Variants in LYPD6 observed in about 807,000 individuals in gnomAD.
LYPD6 encodes ly6/PLAUR domain-containing protein 6.
Under a neutral mutation model 22.7 loss-of-function variants are expected in LYPD6, and 15 were observed. That is an observed-to-expected ratio of 0.66 (90% CI 0.44 to 1.02). The LOEUF is 1.02. LYPD6 is among the 50% of genes least tolerant of loss of function. LYPD6 has a pLI of 0.00. For synonymous variants in LYPD6, 72 were observed against 77.5 expected, an observed-to-expected ratio of 0.93 and a Z score of 0.37; for missense variants, 189 against 208.4, an observed-to-expected ratio of 0.91 and a Z score of 0.57.
At chr2:149,354,813 A>C (rs1251560730) in intron 1 of LYPD6, among the ~76,000 whole-genome samples, 1 of 152,196 alleles carries the variant, frequency 6.6e-6, no homozygotes, top group Non-Finnish European at 1.5e-5. Context: ...AAATTTGAAG[A>C]AGCAGCTAAC....
At chr2:149,440,557 A>G (rs1244426850) in intron 2 of LYPD6, 3 of 152,168 alleles carry the variant, frequency 2.0e-5, no homozygotes, top group Non-Finnish European at 2.9e-5. Context: ...TAGATGATTC[A>G]CCAGCAGATC....
chr2:149,392,576 C>T (rs2105099850), intron 1 of LYPD6, among the ~76,000 whole-genome samples: 1 of 152,168 alleles, frequency 6.6e-6, no homozygotes, highest in South Asian at 2.1e-4. Context: ...GAGTGTTGTC[C>T]CCATTGCCAT....
chr2:149,431,297 C>T (rs913820670), intron 1 of LYPD6, among the ~76,000 whole-genome samples: 1 of 152,164 alleles, frequency 6.6e-6, no homozygotes, highest in African/African-American at 2.4e-5. Context: ...ATGTCTAATA[C>T]AGTACAAAGG....
chr2:149,333,282 T>C (rs1320934946), intron 1 of LYPD6, among the ~76,000 whole-genome samples: 2 of 152,240 alleles, frequency 1.3e-5, no homozygotes, highest in Admixed American at 6.5e-5. Context: ...CGTACAGATA[T>C]CTGCCTATCT....
chr2:149,401,875 C>A (rs1193602668), intron 1 of LYPD6, among the ~76,000 whole-genome samples: 2 of 152,006 alleles, frequency 1.3e-5, no homozygotes, highest in Non-Finnish European at 2.9e-5. Context: ...CCACCCCTTC[C>A]CCCGAATCCC....
chr2:149,455,310 G>A (rs1295016438), intron 3 of LYPD6, among the ~76,000 whole-genome samples: 5 of 145,718 alleles, frequency 3.4e-5, no homozygotes, highest in Non-Finnish European at 5.9e-5. Flanking sequence ...CCAGGCTAGA[G>A]TGCAGTGGCA....
chr2:149,481,547 A>G, the LYPD6 span, among the ~76,000 whole-genome samples: 1 of 152,230 alleles, frequency 6.6e-6, no homozygotes, highest in African/African-American at 2.4e-5. Flanking sequence ...AAAACAAAAC[A>G]AAACAAAACA....
chr2:149,372,654 T>A (rs1329149240), intron 1 of LYPD6, among the ~76,000 whole-genome samples: 1 of 152,242 alleles, frequency 6.6e-6, no homozygotes, highest in African/African-American at 2.4e-5. Flanking sequence ...TAAAAAATTA[T>A]TGATCTCTAT....
chr2:149,351,726 A>G (rs933985608), intron 1 of LYPD6, among the ~76,000 whole-genome samples: 2 of 152,236 alleles, frequency 1.3e-5, no homozygotes, highest in African/African-American at 4.8e-5. Flanking sequence ...AGGACATAAA[A>G]ATGATGAAGA....
intron 1 of LYPD6, among the ~76,000 whole-genome samples, chr2:149,351,901 C>T (rs964917406): frequency 3.3e-5 from 5 of 151,932 alleles, no homozygotes; most frequent in South Asian, 2.1e-4. Flanking sequence ...TTTTGTCTCT[C>T]GGTGGTCAGT....
At chr2:149,339,378 G>GT (rs1681117391) in intron 1 of LYPD6, among the ~76,000 whole-genome samples, 1 of 152,162 alleles carries the variant, frequency 6.6e-6, no homozygotes, top group Non-Finnish European at 1.5e-5. Flanking sequence ...GATATCTCTT[G>GT]TAACTCCATA....
At chr2:149,451,600 C>T (rs941936854) in intron 3 of LYPD6, among the ~76,000 whole-genome samples, 16 of 152,180 alleles carry the variant, frequency 1.1e-4, no homozygotes, top group Admixed American at 1.0e-3. Flanking sequence ...TTGAATGCCT[C>T]ACAGAGAAAA....
At chr2:149,339,382 C>T (rs1009217530) in intron 1 of LYPD6, among the ~76,000 whole-genome samples, 29 of 152,188 alleles carry the variant, frequency 1.9e-4, no homozygotes, top group Admixed American at 5.9e-4. Flanking sequence ...TCTCTTGTAA[C>T]TCCATAGACA....
the LYPD6 span, among the ~76,000 whole-genome samples, chr2:149,481,091 G>A: frequency 6.6e-6 from 1 of 152,190 alleles, no homozygotes; most frequent in South Asian, 2.1e-4. Context: ...TCCTTCTCAA[G>A]AGTCCTGACC....
chr2:149,438,805 G>A (rs1301059378), intron 2 of LYPD6, among the ~76,000 whole-genome samples: 3 of 152,240 alleles, frequency 2.0e-5, no homozygotes, highest in Middle Eastern at 3.2e-3. Flanking sequence ...GTGGTATGCA[G>A]AATGCCCTGG....
At chr2:149,335,002 A>G (rs1681008666) in intron 1 of LYPD6, among the ~76,000 whole-genome samples, 1 of 152,190 alleles carries the variant, frequency 6.6e-6, no homozygotes, top group Admixed American at 6.5e-5. Flanking sequence ...CTGTGTTACC[A>G]GTCTTAGAAG....
At position 149,472,962 on chromosome 2, in the gene LYPD6, A is replaced by C; in HGVS notation, c.*2112A>C. 1 of 152,580 alleles carries C rather than the reference A, an allele frequency of 6.6e-6. No individual in the cohort carries two copies. Among genetic ancestry groups the C allele is most frequent in the East Asian group, 1.9e-4 (1 of 5,188 alleles). The allele number at this position is 152,580 out of a possible 1,614,324, so 9.5% of individuals were successfully genotyped here. On this transcript the variant is annotated 3_prime_UTR_variant, in exon 5 of 5. Coordinates refer to ENST00000334166, the MANE Select transcript of LYPD6 (RefSeq NM_194317.5). ...CCTGCTGTTGCAGGATGCTATTTGC[A>C]TGTGTCCCCAGGTGATGTTTTTTCT...
intron 1 of LYPD6, among the ~76,000 whole-genome samples, chr2:149,376,146 A>G (rs1312130436): frequency 2.0e-5 from 3 of 152,124 alleles, no homozygotes; most frequent in Non-Finnish European, 4.4e-5. Flanking sequence ...TCAGCCCGGG[A>G]TGTGTGGTTT....
chr2:149,341,921 A>G (rs916988008), intron 1 of LYPD6, among the ~76,000 whole-genome samples: 1 of 152,320 alleles, frequency 6.6e-6, no homozygotes, highest in South Asian at 2.1e-4. Flanking sequence ...TGGAGGGATC[A>G]CAGGGAAACC....
Sources: gnomAD v4.1 joint callset for allele counts (sites outside exome capture counted in the v4.1 genomes callset) on GRCh38, gnomAD v4.1.1 for gene constraint, MANE v1.5 for transcripts, NCBI Gene and HGNC (gene_info 2026-07-23, HGNC 2026-07-21) for gene names.